Variants in LRP2 observed in about 807,000 individuals in gnomAD.
The protein encoded by LRP2 is LDL receptor related protein 2.
A neutral mutation model predicts 531.0 loss-of-function variants in LRP2; 172 were observed. The observed-to-expected ratio is 0.32, with a 90% CI of 0.29 to 0.37. The LOEUF (loss-of-function observed/expected upper bound fraction) is 0.37, where lower values mean the gene tolerates loss of function less well. Among genes scored for constraint, LRP2 ranks in the 10% least tolerant of loss-of-function variants. The pLI is 1.00. For synonymous variants in LRP2, 1,992 were observed against 2,027.6 expected (o/e 0.98, Z 0.47); for missense variants, 5,167 against 5,868.3 (o/e 0.88, Z 3.90).
chr2:169,278,646 T>C (rs898835573), intron 12 of LRP2, among the ~76,000 whole-genome samples: 8 of 152,194 alleles, frequency 5.3e-5, no homozygotes, highest in Non-Finnish European at 1.0e-4. Context: ...ACAGAGAACA[T>C]TTCCGTCATT....
chr2:169,243,565 G>A lies in LRP2; in HGVS notation c.3431-43C>T, dbSNP rs751257926. On this transcript the variant is annotated intron_variant, in intron 22 of 78. Transcript: ENST00000649046. The stretch of plus-strand genomic sequence containing the variant: ...CAAAACCAACAAGTTTATTTCCTGT[G>A]CAACAAGTACCAGAGCCAAACTAAA... The A allele has an allele frequency of 1.4e-5, 22 of 1,612,436 alleles. No homozygotes were observed. The South Asian group carries it at 2.3e-4, about 17-fold the overall frequency.
At chr2:169,128,975 A>G (rs1261786524) in intron 78 of LRP2, 38 bp downstream of exon 78, 2 of 1,565,348 alleles carry the variant, frequency 1.3e-6, no homozygotes, top group Non-Finnish European at 8.8e-7. Flanking sequence ...AATTTCTAAG[A>G]AAAAATGTCT....
At position 169,128,828 on chromosome 2, in the gene LRP2, C is replaced by T. The variant is rs34564141; in HGVS notation, c.13803G>A (p.Met4601Ile). 11,042 of 1,614,036 alleles carry T rather than the reference C, an allele frequency of 6.8e-3. 55 individuals carry two copies. Among genetic ancestry groups the T allele is most frequent in the Middle Eastern group, 0.025 (153 of 6,062 alleles). The change falls in exon 79 of 79, where the codon ATG (methionine) becomes ATA (isoleucine). Residue 4601 changes from methionine (M) to isoleucine (I), a missense_variant and splice_region_variant. Physicochemically the swap from Met to Ile is conservative, Grantham distance 10. This residue lies in a region of LRP2 where 348 missense variants were observed against 369.3 expected (regional missense o/e 0.94). Coordinates refer to ENST00000649046, the MANE Select transcript of LRP2 (RefSeq NM_004525.3). ...CAACACTTTCCTTTTGCTCGTTCTC[C>T]ATCTAAGAATACAATGTAACAGGAA... ...TNFENPIYAQ[M>I]ENEQKESVAA...
rs756489531 is a variant in LRP2 at position 169,292,209 on chromosome 2, C to T, written c.769+44G>A. On this transcript the variant is annotated intron_variant, in intron 7 of 78. Transcript: ENST00000649046. ...GAGAAAAAACAAGCGCTGGAAAACA[C>T]TTGAAGAAAATGCTTTTCAGTAGGA... 4 of 1,391,254 alleles carry T rather than the reference C, an allele frequency of 2.9e-6. No homozygotes were observed. In the Admixed American group the frequency reaches 6.7e-5, roughly 23 times the overall value. The allele number at this position is 1,391,254 out of a possible 1,614,324, so 86.2% of individuals were successfully genotyped here. A position where few individuals can be genotyped will look rare whatever the true frequency, so the allele number is the denominator to read the frequency against.
rs766334799 is a variant in LRP2 at position 169,138,539 on chromosome 2, T to A, written c.13518+38A>T. The A allele has an allele frequency of 6.2e-6, 10 of 1,610,190 alleles. No homozygotes were observed. The South Asian group carries it at 1.1e-4, about 18-fold the overall frequency. On this transcript the variant is annotated intron_variant, in intron 75 of 78. Coordinates refer to ENST00000649046, the MANE Select transcript of LRP2 (RefSeq NM_004525.3). ...TTATAAAAAGTATTTATTCTATAAA[T>A]GACAACCTTCAAATAATCATTTTGA...
rs567747241 is a variant in LRP2 at position 169,162,921 on chromosome 2, G to A, written c.11759-321C>T. ...GATGCAGGAGGGCTGTGAAACCAGC[G>A]TTGGCCTTTATGAGTGCTCAATAAG... is the stretch of plus-strand genomic sequence containing the variant. On this transcript the variant is annotated intron_variant, in intron 62 of 78. Transcript: ENST00000649046. Among the ~76,000 whole-genome samples, 40 of 152,378 alleles carry A rather than the reference G, an allele frequency of 2.6e-4. No individual in the cohort carries two copies. In the South Asian group the frequency reaches 7.9e-3, roughly 30 times the overall value.
intron 7 of LRP2, 148 bp downstream of exon 7, chr2:169,292,105 C>T: frequency 1.5e-6 from 1 of 689,086 alleles, no homozygotes; most frequent in Non-Finnish European, 2.6e-6. Flanking sequence ...CTTCCCCACC[C>T]ACTAAGTTCC....
chr2:169,339,957 T>A (rs1228410971), intron 1 of LRP2, among the ~76,000 whole-genome samples: 5 of 152,210 alleles, frequency 3.3e-5, no homozygotes, highest in Non-Finnish European at 2.9e-5. Flanking sequence ...CACAAACTTA[T>A]GGATACATCT....
At chr2:169,309,156 T>C (rs1684516603) in intron 3 of LRP2, among the ~76,000 whole-genome samples, 1 of 152,250 alleles carries the variant, frequency 6.6e-6, no homozygotes, top group South Asian at 2.1e-4. Context: ...GCAAAAATTT[T>C]CTCCCATTCT....
chr2:169,332,708 C>G (rs1685298802), intron 1 of LRP2, among the ~76,000 whole-genome samples: 1 of 152,122 alleles, frequency 6.6e-6, no homozygotes, highest in Non-Finnish European at 1.5e-5. Context: ...AAGTAGAGAT[C>G]AGGTATATAC....
intron 66 of LRP2, 82 bp downstream of exon 66, chr2:169,154,378 C>A (rs1268894210): frequency 4.6e-6 from 6 of 1,315,870 alleles, no homozygotes; most frequent in East Asian, 2.3e-5. Flanking sequence ...ACTCATTAAA[C>A]AATAAATTCC....
At position 169,152,884 on chromosome 2, in the gene LRP2, C is replaced by T. The variant is rs114667698; in HGVS notation, c.12376G>A (p.Gly4126Ser). 2.3e-5 allele frequency: 37 copies of T among 1,614,056 alleles called. No individual in the cohort carries two copies. The highest frequency in any genetic ancestry group is 1.6e-4 in the Middle Eastern group (1 of 6,062). The change falls in exon 67 of 79, where the codon GGC becomes AGC. Residue 4126 changes from glycine (G) to serine (S), a missense_variant. Gly to Ser is a moderately conservative substitution (Grantham distance 56). Coordinates refer to ENST00000649046, the MANE Select transcript of LRP2 (RefSeq NM_004525.3). Reference sequence around the variant, plus strand: ...ACTTCCTGCACAAGATTATTGCGGCCGGATTCAAAGTTGGGGATGTAGGCA... The same window carrying T: ...ACTTCCTGCACAAGATTATTGCGGCTGGATTCAAAGTTGGGGATGTAGGCA... ...KRAYIPNFES[G>S]RNNLVQEVDL...
intron 16 of LRP2, among the ~76,000 whole-genome samples, chr2:169,262,032 C>G (rs943688357): frequency 5.3e-5 from 8 of 151,952 alleles, no homozygotes; most frequent in Admixed American, 5.3e-4. Flanking sequence ...AGGCCTTTGA[C>G]AAAAGTCAAC....
In LRP2 at chr2:169,206,836, C is replaced by T. The variant is rs1688408377; in HGVS notation, c.6884G>A (p.Arg2295Lys). Residue 2295 changes from arginine (R) to lysine (K), a missense_variant, in exon 39 of 79, where the codon AGG (arginine) becomes AAG (lysine). By Grantham distance (26) the Arg-to-Lys change is conservative (BLOSUM62 2). Transcript: ENST00000649046. ...GGCTTGGAAGATCTTTTTCAAATTC[C>T]TATCTACCCATATGATAGAATTTTC... ...VFENSIIWVD[R>K]NLKKIFQASK... 6.2e-7 allele frequency: 1 copy of T among 1,614,006 alleles called. No homozygotes were observed.
chr2:169,178,532 G>A (rs1030617871), intron 52 of LRP2, among the ~76,000 whole-genome samples: 5 of 152,200 alleles, frequency 3.3e-5, no homozygotes, highest in African/African-American at 9.7e-5. Context: ...AACCTGAGGG[G>A]AACACAACTT....
At chr2:169,361,567 AAAACAT>A (rs1686166309) in intron 1 of LRP2, among the ~76,000 whole-genome samples, 1 of 151,864 alleles carries the variant, frequency 6.6e-6, no homozygotes. Context: ...TGTTTCTGTT[AAAACAT>A]AAACTATCGG....
rs145031584 is a variant in LRP2, at chr2:169,142,237, G to A, written c.13108+437C>T. Among the ~76,000 whole-genome samples, 136 of 152,282 alleles carry A rather than the reference G, an allele frequency of 8.9e-4. 1 individual carries two copies. The highest frequency in any genetic ancestry group is 3.0e-3 in the African/African-American group (126 of 41,556). On this transcript the variant is annotated intron_variant, in intron 71 of 78. Coordinates refer to ENST00000649046, the MANE Select transcript of LRP2 (RefSeq NM_004525.3). ...CCACAGCTTCCTCATGCTGGTCTTC[G>A]TCTCCTGATAATATAAAGCACTTTT... is the stretch of plus-strand genomic sequence containing the variant.
chr2:169,186,864 A>G (rs1413305488), intron 49 of LRP2, among the ~76,000 whole-genome samples: 6 of 152,246 alleles, frequency 3.9e-5, no homozygotes. Context: ...TAGTTGAGGT[A>G]AGGCAAAATT....
intron 1 of LRP2, among the ~76,000 whole-genome samples, chr2:169,355,658 A>G (rs1273364323): frequency 6.6e-6 from 1 of 152,218 alleles, no homozygotes; most frequent in African/African-American, 2.4e-5. Flanking sequence ...GTGATCTGAT[A>G]GGAGGTGGCT....
Sources: allele counts gnomAD v4.1 joint callset (sites outside exome capture counted in the v4.1 genomes callset), GRCh38; gene constraint gnomAD v4.1.1; regional missense constraint gnomAD v4.1.1; transcripts MANE v1.5; gene names NCBI Gene and HGNC (gene_info 2026-07-23, HGNC 2026-07-21).